PTPRD: variants seen among roughly 807,000 people sequenced by gnomAD.
The protein encoded by PTPRD is receptor-type tyrosine-protein phosphatase delta.
A neutral mutation model predicts 214.5 loss-of-function variants in PTPRD; 34 were observed. The observed-to-expected ratio is 0.16, with a 90% confidence interval of 0.12 to 0.21. The LOEUF (loss-of-function observed/expected upper bound fraction) is 0.21, where lower values mean the gene tolerates loss of function less well. PTPRD is among the 10% of genes least tolerant of loss of function. PTPRD has a pLI of 1.00. For synonymous variants in PTPRD, 1,128 were observed against 845.7 expected, an observed-to-expected ratio of 1.33 and a Z score of -5.79; for missense variants, 2,545 against 2,398.7, an observed-to-expected ratio of 1.06 and a Z score of -1.27.
chr9:9,360,481 C>T (rs1309488221), intron 9 of PTPRD, among the ~76,000 whole-genome samples: 3 of 150,968 alleles, frequency 2.0e-5, no homozygotes, highest in Non-Finnish European at 4.5e-5. Flanking sequence ...TTTGATTAGG[C>T]TAAGTTTGTG....
At chr9:9,537,960 G>A (rs568940778) in intron 8 of PTPRD, among the ~76,000 whole-genome samples, 26 of 150,906 alleles carry the variant, frequency 1.7e-4, no homozygotes, top group African/African-American at 5.8e-4. Flanking sequence ...ATCCTCATTC[G>A]TTCTGTGTTA....
At chr9:8,708,790 A>C (rs184067763) in intron 12 of PTPRD, among the ~76,000 whole-genome samples, 1 of 152,138 alleles carries the variant, frequency 6.6e-6, no homozygotes, top group African/African-American at 2.4e-5. Flanking sequence ...AGATGTGTAC[A>C]TTCCCCTGTT....
At chr9:8,497,410 G>A (rs2097300880) in intron 25 of PTPRD, 142 bp from the exon 26 acceptor site, 3 of 581,052 alleles carry the variant, frequency 5.2e-6, no homozygotes, top group Non-Finnish European at 2.8e-6. Context: ...CAAAGAATGT[G>A]TGATTTGCTG....
chr9:9,825,244 C>T (rs181626261), intron 5 of PTPRD, among the ~76,000 whole-genome samples: 1 of 151,096 alleles, frequency 6.6e-6, no homozygotes, highest in African/African-American at 2.4e-5. Context: ...TACTAGTTTT[C>T]AAAATAAAGA....
At chr9:10,522,301 T>C (rs1309093296) in intron 2 of PTPRD, among the ~76,000 whole-genome samples, 3 of 152,178 alleles carry the variant, frequency 2.0e-5, no homozygotes, top group Non-Finnish European at 4.4e-5. Flanking sequence ...AGGCTCTGAA[T>C]ACACAGCCCT....
chr9:8,398,421 C>CTT (rs1186957251), intron 36 of PTPRD, among the ~76,000 whole-genome samples: 1 of 152,066 alleles, frequency 6.6e-6, no homozygotes, highest in African/African-American at 2.4e-5. Context: ...AAGGTACTTA[C>CTT]TTTTACTTAT....
At chr9:8,736,622 G>C (rs1836225) in intron 11 of PTPRD, among the ~76,000 whole-genome samples, 130,416 of 152,090 alleles carry the variant, frequency 0.86, 56,252 homozygotes, top group African/African-American at 0.95. Context: ...TTTTTTATTA[G>C]TATTCATAAG....
At chr9:9,780,116 T>A (rs1260283953) in intron 5 of PTPRD, among the ~76,000 whole-genome samples, 1 of 152,222 alleles carries the variant, frequency 6.6e-6, no homozygotes, top group South Asian at 2.1e-4. Flanking sequence ...TGGAGCAGTA[T>A]GGATGGAGCT....
rs1592529314 is a variant in PTPRD, at chr9:9,595,545, TG to T, written c.-286-20765del. 7.4e-5 allele frequency among the ~76,000 whole-genome samples: 3 copies of T among 40,426 alleles called. No homozygotes were observed. In the South Asian group the frequency reaches 3.8e-3, roughly 51 times the overall value. 26.5% of individuals were successfully genotyped at this position (40,426 alleles called of 152,430 possible). A position where few individuals can be genotyped will look rare whatever the true frequency, so the allele number is the denominator to read the frequency against. On this transcript the variant is annotated intron_variant, in intron 7 of 45. Coordinates refer to ENST00000381196, the MANE Select transcript of PTPRD (RefSeq NM_002839.4). ...ATATACACACGTATGCATATGTATG[TG>T]TGTTTGTGTGTGTGTGTGTGTGTGT...
At chr9:10,025,245 C>A (rs1177235846) in intron 4 of PTPRD, among the ~76,000 whole-genome samples, 1 of 152,106 alleles carries the variant, frequency 6.6e-6, no homozygotes, top group South Asian at 2.1e-4. Context: ...ACAGTCCCAC[C>A]AACAGTGTAA....
intron 10 of PTPRD, among the ~76,000 whole-genome samples, chr9:9,072,872 A>C (rs1229932984): frequency 6.6e-6 from 1 of 152,208 alleles, no homozygotes; most frequent in African/African-American, 2.4e-5. Context: ...AATCTAGAAA[A>C]CTGAATGAGC....
intron 11 of PTPRD, among the ~76,000 whole-genome samples, chr9:8,948,785 A>T (rs2099086269): frequency 6.6e-6 from 1 of 150,798 alleles, no homozygotes; most frequent in Admixed American, 6.7e-5. Context: ...GACTCAAGAA[A>T]CACAAAAGGA....
At chr9:9,009,311 C>T (rs1001248443) in intron 11 of PTPRD, among the ~76,000 whole-genome samples, 1 of 152,064 alleles carries the variant, frequency 6.6e-6, no homozygotes, top group African/African-American at 2.4e-5. Flanking sequence ...CATAGAAAGG[C>T]TAGACTTAAC....
At chr9:9,154,259 TGTTTGTTACC>T (rs2099879310) in intron 10 of PTPRD, among the ~76,000 whole-genome samples, 1 of 152,210 alleles carries the variant, frequency 6.6e-6, no homozygotes, top group Non-Finnish European at 1.5e-5. Flanking sequence ...ATTCTGTGGT[TGTTTGTTACC>T]GTCTTAGTCT....
intron 8 of PTPRD, among the ~76,000 whole-genome samples, chr9:9,543,721 A>G (rs2078123743): frequency 6.6e-6 from 1 of 151,666 alleles, no homozygotes; most frequent in African/African-American, 2.4e-5. Flanking sequence ...AAAACAAATC[A>G]AAGAACAAAT....
intron 11 of PTPRD, among the ~76,000 whole-genome samples, chr9:8,979,767 A>G (rs758425699): frequency 6.6e-6 from 1 of 152,140 alleles, no homozygotes; most frequent in Non-Finnish European, 1.5e-5. Context: ...AAAAAGGAAC[A>G]TTAGTACACT....
intron 3 of PTPRD, among the ~76,000 whole-genome samples, chr9:10,221,976 AC>A (rs1264867111): frequency 6.6e-6 from 1 of 151,962 alleles, no homozygotes; most frequent in East Asian, 1.9e-4. Context: ...TTGCTCTTCA[AC>A]AGAACAAACT....
At chr9:9,901,741 C>A (rs2076447850) in intron 5 of PTPRD, among the ~76,000 whole-genome samples, 1 of 152,108 alleles carries the variant, frequency 6.6e-6, no homozygotes, top group Admixed American at 6.6e-5. Context: ...AACTGACTCA[C>A]AGTTCTGGAG....
At chr9:10,410,301 A>T (rs543654656) in intron 2 of PTPRD, among the ~76,000 whole-genome samples, 1 of 145,686 alleles carries the variant, frequency 6.9e-6, no homozygotes, top group Non-Finnish European at 1.5e-5. Context: ...TAATATATAT[A>T]ATATATATAT....
Sources: gnomAD v4.1 joint callset for allele counts (sites outside exome capture counted in the v4.1 genomes callset) on GRCh38, gnomAD v4.1.1 for gene constraint, MANE v1.5 for transcripts, NCBI Gene and HGNC (gene_info 2026-07-23, HGNC 2026-07-21) for gene names.